The following DSCAM variants were observed in gnomAD, a reference collection of about 807,000 sequenced individuals.
The protein encoded by DSCAM is cell adhesion molecule DSCAM.
Under a neutral mutation model 217.7 loss-of-function variants are expected in DSCAM, and 47 were observed. That is an observed-to-expected ratio of 0.22 (90% confidence interval 0.17 to 0.28). The LOEUF is 0.28. DSCAM is among the 10% of genes least tolerant of loss of function. The pLI is 1.00. For synonymous variants in DSCAM, 1,056 were observed against 1,015.3 expected, an observed-to-expected ratio of 1.04 and a Z score of -0.76; for missense variants, 2,080 against 2,618.3, an observed-to-expected ratio of 0.79 and a Z score of 4.49.
chr21:40,702,155 T>TC (rs2090663468), intron 2 of DSCAM, among the ~76,000 whole-genome samples: 1 of 152,052 alleles, frequency 6.6e-6, no homozygotes, highest in Non-Finnish European at 1.5e-5. Flanking sequence ...CCTCTTCACC[T>TC]CCCCCCTTTA....
At chr21:40,533,174 C>T (rs16999931) in intron 3 of DSCAM, among the ~76,000 whole-genome samples, 11,978 of 152,186 alleles carry the variant, frequency 0.079, 817 homozygotes, top group African/African-American at 0.18. Flanking sequence ...AGAGAATAAA[C>T]GCTACCTCAT....
chr21:40,038,775 C>T (rs1263537540), intron 32 of DSCAM, among the ~76,000 whole-genome samples: 1 of 148,114 alleles, frequency 6.8e-6, no homozygotes, highest in East Asian at 2.1e-4. Context: ...CCCAAATGTC[C>T]AACAATGATA....
At chr21:40,612,963 C>T (rs1281288379) in intron 3 of DSCAM, among the ~76,000 whole-genome samples, 1 of 152,006 alleles carries the variant, frequency 6.6e-6, no homozygotes, top group Non-Finnish European at 1.5e-5. Context: ...AATCCTTGTC[C>T]CTTTACTGTC....
At chr21:40,733,590 T>G (rs2091034268) in intron 1 of DSCAM, among the ~76,000 whole-genome samples, 5 of 152,164 alleles carry the variant, frequency 3.3e-5, no homozygotes, top group Admixed American at 2.0e-4. Context: ...CTGAGAAACC[T>G]TGCCTCTGAG....
At chr21:40,463,914 C>G (rs543550659) in intron 3 of DSCAM, among the ~76,000 whole-genome samples, 2 of 150,116 alleles carry the variant, frequency 1.3e-5, no homozygotes, top group South Asian at 4.1e-4. Context: ...TGAAATTCCT[C>G]TCTTTTCTTG....
Position 40,575,656 on chromosome 21 carries a change from A to T in DSCAM, c.508+117154T>A, listed in dbSNP as rs182159030. ...TTAACTAGAGAAAAATAAAAGAATT[A>T]GGCTTCATCAATTTTTTAAATTTGC... On this transcript the variant is annotated intron_variant, in intron 3 of 32. Transcript: ENST00000400454. Among the ~76,000 whole-genome samples, 10 of 152,328 alleles carry T rather than the reference A, an allele frequency of 6.6e-5. No homozygotes were observed. In the South Asian group the frequency reaches 1.0e-3, roughly 16 times the overall value.
At chr21:40,425,996 C>T (rs2075471495) in intron 3 of DSCAM, among the ~76,000 whole-genome samples, 1 of 152,132 alleles carries the variant, frequency 6.6e-6, no homozygotes, top group South Asian at 2.1e-4. Context: ...TTTCACTTTG[C>T]TTGCTGGTCA....
intron 3 of DSCAM, among the ~76,000 whole-genome samples, chr21:40,534,623 C>T (rs2146117643): frequency 6.6e-6 from 1 of 152,108 alleles, no homozygotes; most frequent in East Asian, 1.9e-4. Context: ...TTTTTATGAA[C>T]ATATTTCTTG....
intron 3 of DSCAM, among the ~76,000 whole-genome samples, chr21:40,525,283 C>T (rs1246916332): frequency 1.3e-5 from 2 of 152,108 alleles, no homozygotes; most frequent in African/African-American, 4.8e-5. Flanking sequence ...AAAAACTAAA[C>T]TTGAAAATGA....
At chr21:40,708,854 T>C (rs761263247) in intron 1 of DSCAM, 83 bp from the exon 2 acceptor site, 7 of 1,055,250 alleles carry the variant, frequency 6.6e-6, no homozygotes, top group Non-Finnish European at 9.0e-6. Context: ...CTCAGAAAGT[T>C]ATCCTGAAAA....
intron 1 of DSCAM, among the ~76,000 whole-genome samples, chr21:40,744,021 A>G (rs145826490): frequency 6.6e-6 from 1 of 152,316 alleles, no homozygotes; most frequent in East Asian, 1.9e-4. Flanking sequence ...GGCCATAATA[A>G]CTAAGAAAAA....
At chr21:40,140,067 T>A (rs546964639) in intron 18 of DSCAM, among the ~76,000 whole-genome samples, 2 of 152,082 alleles carry the variant, frequency 1.3e-5, no homozygotes, top group East Asian at 3.9e-4. Context: ...CTGCTCAGTG[T>A]CTGTGGGAAT....
intron 1 of DSCAM, among the ~76,000 whole-genome samples, chr21:40,727,889 G>C (rs1453520645): frequency 6.6e-6 from 1 of 152,074 alleles, no homozygotes; most frequent in Non-Finnish European, 1.5e-5. Context: ...TCCCACCGCA[G>C]CCACACTGGC....
chr21:40,662,792 C>A (rs2090152380), intron 3 of DSCAM, among the ~76,000 whole-genome samples: 1 of 152,138 alleles, frequency 6.6e-6, no homozygotes, highest in South Asian at 2.1e-4. Flanking sequence ...AGGGCCCTCA[C>A]CAGCACCCTG....
chr21:40,613,366 A>T (rs2089341950), intron 3 of DSCAM, among the ~76,000 whole-genome samples: 1 of 152,198 alleles, frequency 6.6e-6, no homozygotes, highest in African/African-American at 2.4e-5. Flanking sequence ...TTTGGAAAAT[A>T]CATATGGAAT....
chr21:40,050,303 G>A (rs947522847), intron 30 of DSCAM, among the ~76,000 whole-genome samples: 19 of 152,196 alleles, frequency 1.2e-4, no homozygotes, highest in African/African-American at 2.9e-4. Context: ...CCAACAGAAT[G>A]CTGAAGCCAA....
intron 18 of DSCAM, 85 bp downstream of exon 18, chr21:40,142,473 C>G (rs2090303545): frequency 1.4e-6 from 2 of 1,478,550 alleles, no homozygotes; most frequent in Non-Finnish European, 1.9e-6. Context: ...TATCCTGAGC[C>G]CCTTGTTAGG....
chr21:40,147,374 C>T (rs1321718780), intron 16 of DSCAM, among the ~76,000 whole-genome samples: 1 of 152,198 alleles, frequency 6.6e-6, no homozygotes, highest in Non-Finnish European at 1.5e-5. Context: ...TCCCTTGTTT[C>T]CTCTCCATGG....
chr21:40,467,828 A>AC (rs2075856999), intron 3 of DSCAM, among the ~76,000 whole-genome samples: 1 of 151,220 alleles, frequency 6.6e-6, no homozygotes, highest in African/African-American at 2.4e-5. Context: ...AAATCGTGGG[A>AC]CCCCAAAATC....
Sources: gnomAD v4.1 joint callset for allele counts (sites outside exome capture counted in the v4.1 genomes callset) on GRCh38, gnomAD v4.1.1 for gene constraint, MANE v1.5 for transcripts, NCBI Gene and HGNC (gene_info 2026-07-23, HGNC 2026-07-21) for gene names.